LRRC37A2: variants seen among roughly 807,000 people sequenced by gnomAD.
LRRC37A2 encodes leucine rich repeat containing 37 member A2, also known as leucine-rich repeat-containing protein 37A2.
In LRRC37A2, 9 loss-of-function variants were observed where a neutral mutation model predicts 68.8. The observed-to-expected ratio is 0.13, with a 90% CI of 0.08 to 0.23. The LOEUF is 0.23. Ranked by LOEUF, LRRC37A2 falls within the 10% of genes least tolerant of loss-of-function variation. The pLI is 1.00. For synonymous variants in LRRC37A2, 63 were observed against 367.6 expected (o/e 0.17, Z 9.48); for missense variants, 168 against 950.4 (o/e 0.18, Z 10.82).
chr17:46,744,889 A>G, the LRRC37A2 span, among the ~76,000 whole-genome samples: 1 of 152,340 alleles, frequency 6.6e-6, no homozygotes, highest in South Asian at 2.1e-4. Flanking sequence ...GTTAACTAAT[A>G]CTTATTTAAC....
the LRRC37A2 span, among the ~76,000 whole-genome samples, chr17:46,392,431 CTCTTTCTTTCTTTCTTTCTT>C: frequency 1.0e-4 from 3 of 29,618 alleles, no homozygotes; most frequent in African/African-American, 2.4e-4. Context: ...CTTTCTTTCT[CTCTTTCTTTCTTTCTTTCTT>C]TCTTTCTTTC....
At chr17:46,796,007 G>A in the LRRC37A2 span, among the ~76,000 whole-genome samples, 1 of 152,134 alleles carries the variant, frequency 6.6e-6, no homozygotes, top group African/African-American at 2.4e-5. Context: ...AACTGATCAG[G>A]TTGTCGGCAG....
the LRRC37A2 span, chr17:46,932,826 C>G: frequency 6.4e-6 from 1 of 156,790 alleles, no homozygotes; most frequent in Non-Finnish European, 1.4e-5. Flanking sequence ...CTGGCCTTTT[C>G]TGTGTCCTGC....
chr17:47,028,591 A>G, the LRRC37A2 span, among the ~76,000 whole-genome samples: 1 of 152,156 alleles, frequency 6.6e-6, no homozygotes, highest in Non-Finnish European at 1.5e-5. Context: ...TGGGCAAGAA[A>G]AGGCATCAAA....
At chr17:47,000,711 C>T in the LRRC37A2 span, among the ~76,000 whole-genome samples, 4 of 152,126 alleles carry the variant, frequency 2.6e-5, no homozygotes, top group African/African-American at 9.7e-5. Context: ...TCTGATGATA[C>T]AACTTTGACC....
the LRRC37A2 span, among the ~76,000 whole-genome samples, chr17:46,493,995 C>G: frequency 6.6e-6 from 1 of 150,780 alleles, no homozygotes; most frequent in Admixed American, 6.6e-5. Flanking sequence ...CAGATGCATG[C>G]CACCATGTGT....
At chr17:46,984,522 C>G in the LRRC37A2 span, among the ~76,000 whole-genome samples, 5 of 152,212 alleles carry the variant, frequency 3.3e-5, no homozygotes, top group South Asian at 1.0e-3. Flanking sequence ...GTCTGCATTT[C>G]CCAGCTCTGG....
At chr17:46,525,568 C>G (rs1486427403) in intron 6 of LRRC37A2, among the ~76,000 whole-genome samples, 4 of 106,192 alleles carry the variant, frequency 3.8e-5, no homozygotes, top group African/African-American at 1.4e-4. Context: ...GCCTGAGGGA[C>G]AGAGTGAGAC....
the LRRC37A2 span, among the ~76,000 whole-genome samples, chr17:46,981,548 T>C: frequency 6.6e-6 from 1 of 152,196 alleles, no homozygotes; most frequent in Non-Finnish European, 1.5e-5. Context: ...TCCTAGACTG[T>C]GAGAAATTAA....
intron 6 of LRRC37A2, among the ~76,000 whole-genome samples, chr17:46,534,721 A>G: frequency 6.7e-6 from 1 of 150,050 alleles, no homozygotes; most frequent in African/African-American, 2.5e-5. Context: ...TACACCTCCC[A>G]GACGGGGTGG....
the LRRC37A2 span, among the ~76,000 whole-genome samples, chr17:46,898,396 A>G: frequency 6.6e-6 from 1 of 152,214 alleles, no homozygotes; most frequent in South Asian, 2.1e-4. Flanking sequence ...TTGGCCTGCT[A>G]CCCCAAGGGT....
the LRRC37A2 span, among the ~76,000 whole-genome samples, chr17:46,998,217 C>T: frequency 6.6e-6 from 1 of 152,132 alleles, no homozygotes; most frequent in Non-Finnish European, 1.5e-5. Context: ...GTGACCAACA[C>T]TTGATAAAGA....
the LRRC37A2 span, among the ~76,000 whole-genome samples, chr17:46,836,992 T>G: frequency 2.2e-4 from 34 of 152,172 alleles, no homozygotes; most frequent in East Asian, 4.6e-3. Flanking sequence ...GCCCAGGCTG[T>G]AGTGCAGTGG....
chr17:46,767,942 C>G, the LRRC37A2 span, among the ~76,000 whole-genome samples: 1 of 152,154 alleles, frequency 6.6e-6, no homozygotes, highest in Non-Finnish European at 1.5e-5. Flanking sequence ...GCACCTGCCA[C>G]AACGCCCGGC....
chr17:46,908,681 G>T, the LRRC37A2 span, among the ~76,000 whole-genome samples: 1 of 152,168 alleles, frequency 6.6e-6, no homozygotes, highest in Non-Finnish European at 1.5e-5. Flanking sequence ...CTGGGAGCAG[G>T]GGAAGACAGG....
At chr17:46,993,094 A>C in the LRRC37A2 span, among the ~76,000 whole-genome samples, 1 of 139,084 alleles carries the variant, frequency 7.2e-6, no homozygotes, top group Non-Finnish European at 1.6e-5. Flanking sequence ...TTTTTTGCTT[A>C]TCTGTATTTT....
chr17:46,931,158 G>A, the LRRC37A2 span: 6 of 1,611,740 alleles, frequency 3.7e-6, 1 homozygote, highest in Middle Eastern at 3.3e-4. Flanking sequence ...AGAACGTCTG[G>A]AGATTTTGTC....
At chr17:47,018,477 G>A in the LRRC37A2 span, 19 of 1,530,292 alleles carry the variant, frequency 1.2e-5, no homozygotes, top group Non-Finnish European at 1.7e-5. Flanking sequence ...TAGTGCAGAG[G>A]TGGGAAATTC....
the LRRC37A2 span, among the ~76,000 whole-genome samples, chr17:46,999,998 C>CAAAATAAAATAAAAT: frequency 2.1e-5 from 1 of 48,352 alleles, no homozygotes; most frequent in African/African-American, 7.4e-5. Flanking sequence ...GACTCCATCT[C>CAAAATAAAATAAAAT]AAAATAAAAT....
Sources: gnomAD v4.1 joint callset for allele counts (sites outside exome capture counted in the v4.1 genomes callset) on GRCh38, gnomAD v4.1.1 for gene constraint, MANE v1.5 for transcripts, NCBI Gene and HGNC (gene_info 2026-07-23, HGNC 2026-07-21) for gene names.